IL34: variants seen among roughly 807,000 people sequenced by gnomAD.
The protein encoded by IL34 is interleukin 34, also known as interleukin-34.
In IL34, 17 loss-of-function variants were observed where a neutral mutation model predicts 25.3. That is an observed-to-expected ratio of 0.67 (90% CI 0.46 to 1.01). The LOEUF is 1.01. Ranked by LOEUF, IL34 falls within the 50% of genes least tolerant of loss-of-function variation. The pLI, the probability that IL34 is intolerant of heterozygous loss-of-function variation, is 0.00. For missense variants in IL34, 368 were observed against 312.9 expected (o/e 1.18, Z -1.33); for synonymous variants, 174 against 140.9 (o/e 1.23, Z -1.66).
chr16:70,622,373 A>AT (rs1214024061), intron 1 of IL34, among the ~76,000 whole-genome samples: 1 of 151,966 alleles, frequency 6.6e-6, no homozygotes. Context: ...GGAGGCCTGA[A>AT]TAATCCCTGA....
intron 1 of IL34, among the ~76,000 whole-genome samples, chr16:70,581,057 A>T (rs1286799381): frequency 2.0e-5 from 3 of 151,536 alleles, no homozygotes; most frequent in Non-Finnish European, 4.4e-5. Context: ...GATTACAGGC[A>T]CCCGCTACCA....
chr16:70,603,545 TA>T lies in IL34; in HGVS notation c.-401+23497del, dbSNP rs763206905. Among the ~76,000 whole-genome samples the T allele has an allele frequency of 4.6e-4, 69 of 150,356 alleles. 1 individual carries two copies. The highest frequency in any genetic ancestry group is 7.9e-4 in the Admixed American group (12 of 15,152). On this transcript the variant is annotated intron_variant, in intron 1 of 6. Transcript: ENST00000429149. ...CACCCGCCTCAGCCTCCCAGAGTGC[TA>T]GGGTTACAGGTGTGAGTCACCGTGC...
intron 1 of IL34, among the ~76,000 whole-genome samples, chr16:70,640,481 G>A (rs976837324): frequency 1.3e-4 from 20 of 151,884 alleles, no homozygotes; most frequent in Middle Eastern, 3.4e-3. Context: ...AAAGTTAGCC[G>A]GGTGTGGTGG....
At chr16:70,634,696 A>T (rs893293211) in intron 1 of IL34, among the ~76,000 whole-genome samples, 6 of 151,548 alleles carry the variant, frequency 4.0e-5, no homozygotes, top group Admixed American at 1.3e-4. Flanking sequence ...AAAAAAAAAA[A>T]TTTCCAAAGT....
At chr16:70,631,228 G>A (rs942525117) in intron 1 of IL34, among the ~76,000 whole-genome samples, 8 of 152,164 alleles carry the variant, frequency 5.3e-5, no homozygotes, top group Non-Finnish European at 1.0e-4. Context: ...CTTTGACTGA[G>A]CCAATAGCTA....
intron 1 of IL34, among the ~76,000 whole-genome samples, chr16:70,610,988 G>GTTT (rs2051082554): frequency 6.6e-6 from 1 of 151,654 alleles, no homozygotes; most frequent in Admixed American, 6.6e-5. Context: ...TTTTGTTGTT[G>GTTT]TTTGAGACAG....
intron 1 of IL34, among the ~76,000 whole-genome samples, chr16:70,634,053 G>A (rs892424673): frequency 2.0e-5 from 3 of 151,932 alleles, no homozygotes; most frequent in African/African-American, 7.3e-5. Context: ...GTTTCACCAT[G>A]TTGGCCAGGC....
intron 1 of IL34, among the ~76,000 whole-genome samples, chr16:70,633,213 C>T (rs185995021): frequency 6.6e-5 from 10 of 151,988 alleles, no homozygotes; most frequent in Admixed American, 5.2e-4. Context: ...GATCTGTCCT[C>T]CTTGGCTTCC....
intron 1 of IL34, among the ~76,000 whole-genome samples, chr16:70,630,346 C>G (rs1368565111): frequency 6.6e-6 from 1 of 152,158 alleles, no homozygotes; most frequent in Admixed American, 6.5e-5. Flanking sequence ...ATTCTCCTGC[C>G]TCAACCTCCC....
chr16:70,645,250 G>C (rs1293358223), upstream of IL34, among the ~76,000 whole-genome samples: 1 of 152,158 alleles, frequency 6.6e-6, no homozygotes, highest in Non-Finnish European at 1.5e-5. Flanking sequence ...CAGGGTGACT[G>C]CATAAGGGAT....
At chr16:70,584,363 G>C (rs1471604404) in intron 1 of IL34, among the ~76,000 whole-genome samples, 1 of 152,212 alleles carries the variant, frequency 6.6e-6, no homozygotes, top group African/African-American at 2.4e-5. Flanking sequence ...AAACAGCCAG[G>C]CTTTCCCCTT....
chr16:70,633,741 G>C (rs965034828), intron 1 of IL34, among the ~76,000 whole-genome samples: 6 of 152,172 alleles, frequency 3.9e-5, no homozygotes, highest in Non-Finnish European at 8.8e-5. Context: ...AGGCTTGAGG[G>C]GAGGATCTTT....
intron 1 of IL34, among the ~76,000 whole-genome samples, chr16:70,626,304 A>G (rs778782788): frequency 2.0e-4 from 31 of 152,082 alleles, no homozygotes; most frequent in Non-Finnish European, 3.5e-4. Flanking sequence ...ATGGAGTCAA[A>G]TTTATCAGTC....
At chr16:70,620,824 A>G (rs1357934464) in intron 1 of IL34, among the ~76,000 whole-genome samples, 1 of 152,090 alleles carries the variant, frequency 6.6e-6, no homozygotes, top group Admixed American at 6.6e-5. Flanking sequence ...AAGAAAAGGC[A>G]CTTAGGTTTT....
At chr16:70,613,747 A>G (rs539563846) in intron 1 of IL34, among the ~76,000 whole-genome samples, 1 of 151,926 alleles carries the variant, frequency 6.6e-6, no homozygotes, top group East Asian at 1.9e-4. Context: ...GGTGGCGTGC[A>G]CCTGTAGTCC....
At chr16:70,628,733 C>G (rs536445085) in intron 1 of IL34, among the ~76,000 whole-genome samples, 2 of 150,898 alleles carry the variant, frequency 1.3e-5, no homozygotes, top group East Asian at 1.9e-4. Context: ...TTGATCCACC[C>G]GCCTTGGCCT....
intron 1 of IL34, among the ~76,000 whole-genome samples, chr16:70,641,410 G>A (rs1567459043): frequency 6.6e-6 from 1 of 152,088 alleles, no homozygotes; most frequent in Non-Finnish European, 1.5e-5. Flanking sequence ...TAAAGAAGGT[G>A]AGCTTCACTG....
intron 1 of IL34, among the ~76,000 whole-genome samples, chr16:70,649,925 A>C (rs1385030305): frequency 1.3e-5 from 2 of 152,080 alleles, no homozygotes; most frequent in African/African-American, 4.8e-5. Flanking sequence ...CAGCCTCCCG[A>C]GTAGCTGGGA....
intron 1 of IL34, among the ~76,000 whole-genome samples, chr16:70,630,674 A>G (rs1018601050): frequency 4.0e-5 from 6 of 150,458 alleles, no homozygotes; most frequent in Non-Finnish European, 8.9e-5. Context: ...CCCAGGCTCA[A>G]TTGATCCTCC....
Sources: gnomAD v4.1 joint callset for allele counts (sites outside exome capture counted in the v4.1 genomes callset) on GRCh38, gnomAD v4.1.1 for gene constraint, MANE v1.5 for transcripts, NCBI Gene and HGNC (gene_info 2026-07-23, HGNC 2026-07-21) for gene names.